The following EFCC1 variants were observed in gnomAD, a reference collection of about 807,000 sequenced individuals.
The protein encoded by EFCC1 is EF-hand and coiled-coil domain-containing protein 1.
Under a neutral mutation model 52.1 loss-of-function variants are expected in EFCC1, and 50 were observed. That is an observed-to-expected ratio of 0.96 (90% CI 0.76 to 1.21). The LOEUF (loss-of-function observed/expected upper bound fraction) is 1.21. Ranked by LOEUF, EFCC1 falls within the 50% of genes most tolerant of loss-of-function variation. EFCC1 has a pLI of 0.00. For synonymous variants in EFCC1, 399 were observed against 396.5 expected (o/e 1.01, Z -0.08); for missense variants, 837 against 867.3 (o/e 0.97, Z 0.44).
chr3:129,033,900 C>T (rs1229766242), intron 4 of EFCC1, among the ~76,000 whole-genome samples: 4 of 152,222 alleles, frequency 2.6e-5, no homozygotes, highest in Admixed American at 6.5e-5. Context: ...TTGGCGGGAC[C>T]GCCAGGAGGC....
chr3:129,021,192 A>T (rs920909993), intron 2 of EFCC1, among the ~76,000 whole-genome samples: 3 of 152,214 alleles, frequency 2.0e-5, no homozygotes, highest in African/African-American at 7.2e-5. Flanking sequence ...CCTGCTGGAC[A>T]TTTATGCTGC....
chr3:129,017,420 G>T (rs573341216), intron 2 of EFCC1, among the ~76,000 whole-genome samples: 1 of 152,360 alleles, frequency 6.6e-6, no homozygotes, highest in African/African-American at 2.4e-5. Context: ...AAGTCCAGGC[G>T]GGCGTGGCGG....
chr3:129,007,277 G>A (rs368513081), intron 2 of EFCC1, among the ~76,000 whole-genome samples: 7 of 152,294 alleles, frequency 4.6e-5, no homozygotes, highest in South Asian at 2.1e-4. Context: ...TCAGATGTCC[G>A]TGACTATTGA....
chr3:129,012,844 C>T (rs753942175), intron 2 of EFCC1, among the ~76,000 whole-genome samples: 7 of 152,224 alleles, frequency 4.6e-5, no homozygotes, highest in Admixed American at 2.0e-4. Context: ...TACAGCTCAG[C>T]ACCAGGCACA....
rs145946324 is a variant in EFCC1 at position 129,037,101 on chromosome 3, A to G, written c.1577A>G (p.Gln526Arg). 1.3e-4 allele frequency: 210 copies of G among 1,609,354 alleles called. No homozygotes were observed. Among genetic ancestry groups the G allele is most frequent in the South Asian group, 2.4e-4 (22 of 90,466 alleles). The change falls in exon 6 of 8, where the codon CAG (glutamine) becomes CGG (arginine). Residue 526 changes from glutamine to arginine, a missense_variant. Transcript: ENST00000683648. Reference sequence around the variant, plus strand: ...CTGGTGGACGTGCTGCAGCTCCTGCAGAGGCTCCGGGACCTGGTAGGCTCA... The same window carrying G: ...CTGGTGGACGTGCTGCAGCTCCTGCGGAGGCTCCGGGACCTGGTAGGCTCA... The part of the protein sequence containing the change: ...EKLVDVLQLL[Q>R]RLRDLNISKR...
Position 129,032,934 on chromosome 3 carries a change from A to G in EFCC1, c.1254A>G (p.Thr418=). ...AGACGCCGGCAGCCGAGGCCAAGAC[A>G]CTGCTGGCCCGGCTCTCCAGCTGCA... The part of the protein sequence containing the change: ...EKKTPAAEAK[T]LLARLSSCRG... The change falls in exon 4 of 8, where the codon ACA becomes ACG. Residue 418 remains threonine, a synonymous_variant. Coordinates refer to ENST00000683648, the MANE Select transcript of EFCC1 (RefSeq NM_001377500.1). 1 of 1,548,898 alleles carries G rather than the reference A, an allele frequency of 6.5e-7. No homozygotes were observed. Among genetic ancestry groups the G allele is most frequent in the Non-Finnish European group, 8.7e-7 (1 of 1,145,584 alleles).
intron 5 of EFCC1, among the ~76,000 whole-genome samples, chr3:129,034,821 C>A (rs113387626): frequency 3.9e-5 from 6 of 152,172 alleles, no homozygotes; most frequent in African/African-American, 1.2e-4. Context: ...CGATTGGCCA[C>A]CTCAGTCATG....
chr3:129,040,212 TC>T lies in EFCC1; in HGVS notation c.*365del, dbSNP rs1203110897. The T allele has an allele frequency of 8.8e-6, 2 of 226,406 alleles. No homozygotes were observed. Among genetic ancestry groups the T allele is most frequent in the African/African-American group, 4.5e-5 (2 of 44,312 alleles). The allele number at this position is 226,406 out of a possible 1,614,324, so 14.0% of individuals were successfully genotyped here. A position where few individuals can be genotyped will look rare whatever the true frequency, so the allele number is the denominator to read the frequency against. On this transcript the variant is annotated 3_prime_UTR_variant, in exon 8 of 8. Coordinates refer to ENST00000683648, the MANE Select transcript of EFCC1 (RefSeq NM_001377500.1). This position sits in a 1 kb window ranked among gnomAD's most constrained non-coding sequence, Gnocchi z 4.4. ...GACCCCAAATCTCTTCCCCAGAGTT[TC>T]AGGATCTCCTCCCCTCCCAGCACTG...
Position 129,001,703 on chromosome 3 carries a change from G to A in EFCC1, c.75G>A (p.Arg25=). The change falls in exon 1 of 8, where the codon CGG becomes CGA. Residue 25 remains arginine, a synonymous_variant. Coordinates refer to ENST00000683648, the MANE Select transcript of EFCC1 (RefSeq NM_001377500.1). Reference sequence around the variant, plus strand: ...GTGACCCGTACCGGCGACCTGCGCGGCGCACGCAGTGGCTGCTGAGCGCCC... The same window carrying A: ...GTGACCCGTACCGGCGACCTGCGCGACGCACGCAGTGGCTGCTGAGCGCCC... ...AGGDPYRRPA[R]RTQWLLSALA... 1 of 1,503,870 alleles carries A rather than the reference G, an allele frequency of 6.6e-7. No individual in the cohort carries two copies. The highest frequency in any genetic ancestry group is 1.3e-5 in the South Asian group (1 of 79,890). 93.2% of individuals were successfully genotyped at this position (1,503,870 alleles called of 1,614,324 possible). A position where few individuals can be genotyped will look rare whatever the true frequency, so the allele number is the denominator to read the frequency against.
In EFCC1 at chr3:129,001,611, G is replaced by A. The variant is rs72977188; in HGVS notation, c.-18G>A. 6,026 of 1,354,926 alleles carry A rather than the reference G, an allele frequency of 4.4e-3. 208 individuals carry two copies. The African/African-American group carries it at 0.076, about 17-fold the overall frequency. 83.9% of individuals were successfully genotyped at this position (1,354,926 alleles called of 1,614,324 possible). On this transcript the variant is annotated 5_prime_UTR_variant, in exon 1 of 8. Transcript: ENST00000683648. ...GGACCGGAGGAGGGACCGGAGGAGC[G>A]AGGCGCGCGGCGCAGCGATGGAGCC...
intron 2 of EFCC1, among the ~76,000 whole-genome samples, chr3:129,027,587 C>G (rs930161997): frequency 3.3e-5 from 5 of 152,160 alleles, no homozygotes; most frequent in African/African-American, 1.2e-4. Context: ...TGGCACCTCC[C>G]GAGCAGGGGT....
At chr3:129,027,152 G>A (rs1356899408) in intron 2 of EFCC1, among the ~76,000 whole-genome samples, 1 of 151,824 alleles carries the variant, frequency 6.6e-6, no homozygotes, top group African/African-American at 2.4e-5. Flanking sequence ...GCCTGCAGAC[G>A]CCTGCAGACG....
At chr3:129,021,480 A>T (rs1322039008) in intron 2 of EFCC1, among the ~76,000 whole-genome samples, 6 of 152,188 alleles carry the variant, frequency 3.9e-5, no homozygotes, top group Non-Finnish European at 8.8e-5. Flanking sequence ...AGGCTCAGGC[A>T]GGAGAATCGC....
rs1444738110 is a variant in EFCC1, at chr3:129,001,894, G to C, written c.266G>C (p.Arg89Pro). ...FRALCAVLGL[R>P]AEGATTAGQA... is the part of the protein sequence containing the mutation. ...GCGCTCTGCGCTGTGCTGGGGCTGCGCGCGGAGGGGGCCACCACGGCCGGG... is the reference window on the plus strand; with the variant it reads ...GCGCTCTGCGCTGTGCTGGGGCTGCCCGCGGAGGGGGCCACCACGGCCGGG... Residue 89 changes from arginine (R) to proline (P), a missense_variant, in exon 1 of 8, where the codon CGC becomes CCC. Arg to Pro is a moderately radical substitution (Grantham distance 103, BLOSUM62 -2). Coordinates refer to ENST00000683648, the MANE Select transcript of EFCC1 (RefSeq NM_001377500.1). 1 of 1,538,554 alleles carries C rather than the reference G, an allele frequency of 6.5e-7. No homozygotes were observed.
intron 2 of EFCC1, among the ~76,000 whole-genome samples, chr3:129,027,587 C>T (rs930161997): frequency 1.3e-5 from 2 of 152,160 alleles, no homozygotes; most frequent in African/African-American, 4.8e-5. Context: ...TGGCACCTCC[C>T]GAGCAGGGGT....
rs772194455 is a variant in EFCC1 at position 129,038,912 on chromosome 3, C to A, written c.1663+12C>A. 6 of 1,613,020 alleles carry A rather than the reference C, an allele frequency of 3.7e-6. No homozygotes were observed. Among genetic ancestry groups the A allele is most frequent in the African/African-American group, 2.7e-5 (2 of 74,900 alleles). ...GGACCCCACCCACGGTAGGAGAGCA[C>A]CCTAGTCTCTCAGAGCCCACGCAGT... On this transcript the variant is annotated intron_variant, in intron 7 of 7. Transcript: ENST00000683648.
chr3:129,032,919 A>C lies in EFCC1; in HGVS notation c.1239A>C (p.Ala413=), dbSNP rs6772392. Residue 413 remains alanine (A), a synonymous_variant, in exon 4 of 8, where the codon GCA becomes GCC. Coordinates refer to ENST00000683648, the MANE Select transcript of EFCC1 (RefSeq NM_001377500.1). ...ERWQEEKKTP[A]AEAKTLLARL... is the part of the protein sequence containing the mutation. ...GGCAGGAGGAGAAGAAGACGCCGGC[A>C]GCCGAGGCCAAGACACTGCTGGCCC... The C allele has an allele frequency of 4.6e-3, 7,132 of 1,550,912 alleles. 25 individuals carry two copies. Among genetic ancestry groups the C allele is most frequent in the Non-Finnish European group, 5.6e-3 (6,372 of 1,146,822 alleles).
Position 129,040,195 on chromosome 3 carries a change from A to C in EFCC1, c.*347A>C. 6.6e-5 allele frequency: 16 copies of C among 243,980 alleles called. No homozygotes were observed. The highest frequency in any genetic ancestry group is 2.3e-4 in the East Asian group (3 of 13,040). 15.1% of individuals were successfully genotyped at this position (243,980 alleles called of 1,614,324 possible). On this transcript the variant is annotated 3_prime_UTR_variant, in exon 8 of 8. Transcript: ENST00000683648. This position sits in a 1 kb window ranked among gnomAD's most constrained non-coding sequence, Gnocchi z 4.4. The stretch of plus-strand genomic sequence containing the variant: ...ACTTTCTGACTGAGTCTGACCCCAA[A>C]TCTCTTCCCCAGAGTTTCAGGATCT...
At chr3:129,022,588 T>C (rs1945907280) in intron 2 of EFCC1, among the ~76,000 whole-genome samples, 1 of 152,154 alleles carries the variant, frequency 6.6e-6, no homozygotes, top group South Asian at 2.1e-4. Flanking sequence ...CTCCGGATGC[T>C]GTGCAGATGT....
Sources: allele counts gnomAD v4.1 joint callset (sites outside exome capture counted in the v4.1 genomes callset), GRCh38; gene constraint gnomAD v4.1.1; non-coding constraint Gnocchi (gnomAD v3.1); transcripts MANE v1.5; gene names NCBI Gene and HGNC (gene_info 2026-07-23, HGNC 2026-07-21).